Variants in CATSPERD observed in about 807,000 individuals in gnomAD.
CATSPERD encodes cation channel sperm-associated auxiliary subunit delta.
CATSPERD carries 86 observed loss-of-function variants against 98.1 expected under a neutral mutation model. The ratio of observed to expected loss-of-function variants is 0.88; its 90% CI spans 0.74 to 1.05. The LOEUF (loss-of-function observed/expected upper bound fraction) is 1.05, where lower values mean the gene tolerates loss of function less well. Among genes scored for constraint, CATSPERD ranks in the 50% least tolerant of loss-of-function variants. The pLI is 0.00. For synonymous variants in CATSPERD, 394 were observed against 390.2 expected (o/e 1.01, Z -0.12); for missense variants, 995 against 1,005.7 (o/e 0.99, Z 0.14).
intron 2 of CATSPERD, 108 bp from the exon 3 acceptor site, chr19:5,727,160 A>T (rs2055620754): frequency 3.9e-6 from 3 of 762,148 alleles, no homozygotes; most frequent in Non-Finnish European, 6.5e-6. Flanking sequence ...GTGCAACTGC[A>T]CTCCAGCCTG....
chr19:5,731,769 G>C, intron 4 of CATSPERD, among the ~76,000 whole-genome samples: 1 of 150,384 alleles, frequency 6.6e-6, no homozygotes, highest in South Asian at 2.1e-4. Context: ...TAGAGACGGG[G>C]TTTCACCTTG....
At chr19:5,751,607 AAT>A (rs1320688446) in intron 11 of CATSPERD, 38 bp from the exon 12 acceptor site, 1 of 1,350,430 alleles carries the variant, frequency 7.4e-7, no homozygotes, top group Non-Finnish European at 9.7e-7. Flanking sequence ...CCAGAAAAAC[AAT>A]TACAATGATT....
intron 10 of CATSPERD, 67 bp downstream of exon 10, chr19:5,748,322 G>T: frequency 1.4e-6 from 2 of 1,456,556 alleles, no homozygotes; most frequent in South Asian, 2.3e-5. Flanking sequence ...AGGCCTGCCA[G>T]ACCCAACCCA....
In CATSPERD at chr19:5,768,155, C is replaced by T; in HGVS notation, c.1560-13C>T. 1.2e-6 allele frequency: 2 copies of T among 1,611,562 alleles called. No individual in the cohort carries two copies. Among genetic ancestry groups the T allele is most frequent in the Non-Finnish European group, 1.7e-6 (2 of 1,178,270 alleles). The stretch of plus-strand genomic sequence containing the variant: ...AGGTCATGCCATTGCTCAATGTCCA[C>T]TTTTGCTTGCAGCAAAGTTTCCGCC... On this transcript the variant is annotated splice_polypyrimidine_tract_variant and intron_variant, in intron 17 of 21. Coordinates refer to ENST00000381624, the MANE Select transcript of CATSPERD (RefSeq NM_152784.4).
In CATSPERD at chr19:5,775,523, C is replaced by T. The variant is rs140505397; in HGVS notation, c.1942-638C>T. 9.9e-3 allele frequency among the ~76,000 whole-genome samples: 1,490 copies of T among 150,658 alleles called. 15 individuals carry two copies. Among genetic ancestry groups the T allele is most frequent in the South Asian group, 0.04 (189 of 4,764 alleles). Reference sequence around the variant, plus strand: ...AATTTGCTGGCCACGGTGGCGGGCACCTGTAGTCCCAGCTACTCGGGAGGC... The same window carrying T: ...AATTTGCTGGCCACGGTGGCGGGCATCTGTAGTCCCAGCTACTCGGGAGGC... On this transcript the variant is annotated intron_variant, in intron 20 of 21. Coordinates refer to ENST00000381624, the MANE Select transcript of CATSPERD (RefSeq NM_152784.4).
chr19:5,741,154 A>T (rs958647170), intron 7 of CATSPERD, among the ~76,000 whole-genome samples: 1 of 139,936 alleles, frequency 7.1e-6, no homozygotes, highest in East Asian at 1.9e-4. Context: ...TGACACACCC[A>T]CATGCCCACC....
chr19:5,765,405 T>TATTCATTC (rs71172767), intron 16 of CATSPERD, among the ~76,000 whole-genome samples: 17 of 141,088 alleles, frequency 1.2e-4, no homozygotes, highest in East Asian at 1.0e-3. Flanking sequence ...GCCATTGATT[T>TATTCATTC]ATTCATTCAT....
intron 9 of CATSPERD, 140 bp from the exon 10 acceptor site, chr19:5,748,020 T>C (rs968016654): frequency 4.7e-6 from 3 of 633,374 alleles, no homozygotes; most frequent in Non-Finnish European, 8.5e-6. Flanking sequence ...AGCAAACCTC[T>C]CAAAAGCTAT....
chr19:5,753,852 G>A lies in CATSPERD; in HGVS notation c.1165-280G>A, dbSNP rs376959408. ...CAAACCACTGCACTCCAGCCTGGGC[G>A]ACAGAGCGAGACCCTGTCTCAAAAA... is the stretch of plus-strand genomic sequence containing the variant. On this transcript the variant is annotated intron_variant, in intron 12 of 21. Coordinates refer to ENST00000381624, the MANE Select transcript of CATSPERD (RefSeq NM_152784.4). Among the ~76,000 whole-genome samples, 45 of 151,948 alleles carry A rather than the reference G, an allele frequency of 3.0e-4. No individual in the cohort carries two copies. In the East Asian group the frequency reaches 6.2e-3, roughly 21 times the overall value.
intron 15 of CATSPERD, among the ~76,000 whole-genome samples, chr19:5,762,468 TC>T (rs1399935688): frequency 1.3e-5 from 2 of 152,078 alleles, no homozygotes; most frequent in Admixed American, 1.3e-4. Flanking sequence ...ACCAGGTCCC[TC>T]CCCTGACATG....
chr19:5,723,197 AAAAG>A (rs959129679), intron 1 of CATSPERD, among the ~76,000 whole-genome samples: 6 of 149,690 alleles, frequency 4.0e-5, no homozygotes, highest in Non-Finnish European at 7.4e-5. Flanking sequence ...AAAAAAAAAA[AAAAG>A]AAAAAGAAAA....
chr19:5,768,094 C>T (rs2056576952), intron 17 of CATSPERD, 74 bp from the exon 18 acceptor site: 3 of 1,402,006 alleles, frequency 2.1e-6, no homozygotes, highest in African/African-American at 2.8e-5. Flanking sequence ...CAGCCCCTCC[C>T]TTTCTGTCCC....
At chr19:5,741,271 AGACTCT>A (rs1278086195) in intron 7 of CATSPERD, among the ~76,000 whole-genome samples, 2 of 152,158 alleles carry the variant, frequency 1.3e-5, no homozygotes, top group Non-Finnish European at 2.9e-5. Flanking sequence ...CTGGAACTTC[AGACTCT>A]AACTGTCTTT....
intron 20 of CATSPERD, among the ~76,000 whole-genome samples, chr19:5,774,986 C>T (rs2056714921): frequency 1.3e-5 from 2 of 152,192 alleles, no homozygotes; most frequent in African/African-American, 4.8e-5. Context: ...CACTGCACTC[C>T]AGCCTGGGGG....
At position 5,776,289 on chromosome 19, in the gene CATSPERD, C is replaced by T. The variant is rs2056741069; in HGVS notation, c.2070C>T (p.Tyr690=). 1 of 1,614,202 alleles carries T rather than the reference C, an allele frequency of 6.2e-7. No homozygotes were observed. Among genetic ancestry groups the T allele is most frequent in the Non-Finnish European group, 8.5e-7 (1 of 1,180,034 alleles). Residue 690 remains tyrosine (Y), a synonymous_variant, in exon 21 of 22, where the codon TAC becomes TAT. Coordinates refer to ENST00000381624, the MANE Select transcript of CATSPERD (RefSeq NM_152784.4). ...GCCACAATGGCTTTTATGTCTTCTA[C>T]ATTTCGATCGTGGATCCGTACTACA... ...IFGHNGFYVF[Y]ISIVDPYYSY...
At chr19:5,777,342 G>A (rs760207605) in intron 21 of CATSPERD, among the ~76,000 whole-genome samples, 1 of 152,132 alleles carries the variant, frequency 6.6e-6, no homozygotes, top group Admixed American at 6.6e-5. Flanking sequence ...GGACTCTCCC[G>A]TGCCACAGGT....
chr19:5,767,817 GAC>G (rs2056571077), intron 17 of CATSPERD, among the ~76,000 whole-genome samples: 1 of 150,320 alleles, frequency 6.7e-6, no homozygotes, highest in South Asian at 2.1e-4. Context: ...TTATTTTTGA[GAC>G]AGAGTCTTGC....
chr19:5,732,263 G>A (rs147300607), intron 4 of CATSPERD, among the ~76,000 whole-genome samples: 23 of 152,176 alleles, frequency 1.5e-4, no homozygotes, highest in African/African-American at 4.8e-4. Flanking sequence ...GAGCCACCAC[G>A]CCCAGCTTCA....
chr19:5,727,481 G>C (rs1164482597), intron 3 of CATSPERD, 137 bp downstream of exon 3: 1 of 650,934 alleles, frequency 1.5e-6, no homozygotes, highest in African/African-American at 1.8e-5. Flanking sequence ...GGAGTCCATA[G>C]TCAGGGGCTG....
Sources: allele counts gnomAD v4.1 joint callset (sites outside exome capture counted in the v4.1 genomes callset), GRCh38; gene constraint gnomAD v4.1.1; transcripts MANE v1.5; gene names NCBI Gene and HGNC (gene_info 2026-07-23, HGNC 2026-07-21).